STAB2: variants seen among roughly 807,000 people sequenced by gnomAD.
The protein encoded by STAB2 is stabilin 2, also known as stabilin-2.
A neutral mutation model predicts 338.1 loss-of-function variants in STAB2; 288 were observed. The ratio of observed to expected loss-of-function variants is 0.85; its 90% CI spans 0.77 to 0.94. STAB2 has a LOEUF of 0.94. Ranked by LOEUF, STAB2 falls within the 40% of genes least tolerant of loss-of-function variation. The probability of loss-of-function intolerance (pLI) is 0.00; values close to 1 mark genes in which losing one functional copy is unlikely to be tolerated. For synonymous variants in STAB2, 1,202 were observed against 1,193.3 expected, an observed-to-expected ratio of 1.01 and a Z score of -0.15; for missense variants, 3,141 against 3,210.1, an observed-to-expected ratio of 0.98 and a Z score of 0.52.
chr12:103,651,648 T>G (rs1262632088), intron 11 of STAB2, among the ~76,000 whole-genome samples: 1 of 152,132 alleles, frequency 6.6e-6, no homozygotes, highest in African/African-American at 2.4e-5. Context: ...TTGTCATCTG[T>G]CTTAAATGCT....
intron 1 of STAB2, among the ~76,000 whole-genome samples, chr12:103,587,881 C>G (rs1182511101): frequency 6.6e-6 from 1 of 152,178 alleles, no homozygotes; most frequent in Non-Finnish European, 1.5e-5. Flanking sequence ...ATCTACCATC[C>G]CATCTTCCTG....
At chr12:103,674,451 A>G (rs703645) in intron 23 of STAB2, among the ~76,000 whole-genome samples, 21,851 of 152,160 alleles carry the variant, frequency 0.14, 1,705 homozygotes, top group East Asian at 0.22. Flanking sequence ...TAGCACATCA[A>G]AGATGTTCCA....
At chr12:103,628,890 C>T (rs896611024) in intron 5 of STAB2, among the ~76,000 whole-genome samples, 2 of 152,164 alleles carry the variant, frequency 1.3e-5, no homozygotes, top group Non-Finnish European at 2.9e-5. Flanking sequence ...AATTATTGAA[C>T]AAAACATCAA....
chr12:103,679,779 A>G (rs1359813766), intron 25 of STAB2, among the ~76,000 whole-genome samples: 3 of 152,228 alleles, frequency 2.0e-5, no homozygotes, highest in African/African-American at 7.2e-5. Flanking sequence ...ACTTCTGGGT[A>G]TACACCCAAA....
chr12:103,597,949 A>G (rs577113686), intron 3 of STAB2, among the ~76,000 whole-genome samples: 2 of 152,300 alleles, frequency 1.3e-5, no homozygotes, highest in South Asian at 4.1e-4. Flanking sequence ...AATGTCATCA[A>G]ATTATCTAAA....
chr12:103,746,381 C>T, intron 57 of STAB2: 3 of 478,490 alleles, frequency 6.3e-6, no homozygotes, highest in Admixed American at 3.4e-5. Context: ...ATCTCAATGA[C>T]ATTGCAGAGA....
intron 56 of STAB2, among the ~76,000 whole-genome samples, chr12:103,743,023 C>CTT (rs34478982): frequency 0.44 from 58,931 of 134,644 alleles, 13,203 homozygotes; most frequent in South Asian, 0.57. Flanking sequence ...ATTTTTTTTT[C>CTT]TTTTTTTTTT....
At position 103,762,343 on chromosome 12, in the gene STAB2, T is replaced by C. The variant is rs781624821; in HGVS notation, c.7429T>C (p.Leu2477=). 55 of 1,614,092 alleles carry C rather than the reference T, an allele frequency of 3.4e-5. 1 individual carries two copies. In the South Asian group the frequency reaches 5.5e-4, roughly 16 times the overall value. ...CATCCTGGTGACTGGGGCTGTTGCC[T>C]TGGCTGCTTACTCCTACTTTCGGAT... is the stretch of plus-strand genomic sequence containing the variant. The part of the protein sequence containing the change: ...AIILVTGAVA[L]AAYSYFRINR... The change falls in exon 67 of 69, where the codon TTG becomes CTG. Residue 2477 remains leucine (L), a synonymous_variant. Coordinates refer to ENST00000388887, the MANE Select transcript of STAB2 (RefSeq NM_017564.10).
chr12:103,655,373 G>A (rs893570835), intron 14 of STAB2, 66 bp downstream of exon 14: 57 of 1,602,514 alleles, frequency 3.6e-5, no homozygotes, highest in African/African-American at 4.0e-5. Flanking sequence ...TAGCAGGGGT[G>A]TCAATTATAA....
chr12:103,615,893 C>A (rs902940338), intron 3 of STAB2, among the ~76,000 whole-genome samples: 1 of 152,144 alleles, frequency 6.6e-6, no homozygotes, highest in African/African-American at 2.4e-5. Flanking sequence ...CCCCATGATC[C>A]AATTACCTCC....
At chr12:103,617,070 C>G (rs983589673) in intron 3 of STAB2, among the ~76,000 whole-genome samples, 2 of 152,192 alleles carry the variant, frequency 1.3e-5, no homozygotes, top group Non-Finnish European at 2.9e-5. Context: ...GAGATCAGAT[C>G]TAAACCAACT....
At chr12:103,741,145 G>A (rs1320273669) in intron 55 of STAB2, among the ~76,000 whole-genome samples, 4 of 152,024 alleles carry the variant, frequency 2.6e-5, no homozygotes, top group Non-Finnish European at 5.9e-5. Flanking sequence ...AGTATGTATG[G>A]GCCATAATTT....
intron 52 of STAB2, 24 bp from the exon 53 acceptor site, chr12:103,737,598 CTCTTTCTCTTTT>C: frequency 1.4e-5 from 17 of 1,253,042 alleles, no homozygotes; most frequent in South Asian, 1.5e-5. Flanking sequence ...CTCTCTCTCT[CTCTTTCTCTTTT>C]TTTTTTTTTT....
chr12:103,740,780 G>A (rs370326061), intron 55 of STAB2, 24 bp downstream of exon 55: 9 of 1,550,918 alleles, frequency 5.8e-6, no homozygotes, highest in South Asian at 2.5e-5. Flanking sequence ...TTCCCCCCTC[G>A]CAACTCTAAA....
chr12:103,655,568 T>G lies in STAB2; in HGVS notation c.1721T>G (p.Leu574Arg), dbSNP rs1224086395. 1.2e-6 allele frequency: 2 copies of G among 1,613,698 alleles called. No individual in the cohort carries two copies. Among genetic ancestry groups the G allele is most frequent in the Non-Finnish European group, 1.7e-6 (2 of 1,179,972 alleles). ...NNMKDGTLDY[L>R]LSPEGSRKLL... ...ATGAAGGACGGCACTCTCGATTACC[T>G]CCTTTCTCCAGAGGTACCGTATTCT... Residue 574 changes from leucine (L) to arginine (R), a missense_variant, in exon 15 of 69, where the codon CTC becomes CGC. By Grantham distance (102) the Leu-to-Arg change is moderately radical. Transcript: ENST00000388887.
At chr12:103,620,425 GT>G (rs1366985153) in intron 3 of STAB2, 42 bp from the exon 4 acceptor site, 4 of 1,523,122 alleles carry the variant, frequency 2.6e-6, no homozygotes, top group Non-Finnish European at 3.6e-6. Flanking sequence ...GAATGCTTGT[GT>G]GCAGTCACGA....
Position 103,602,833 on chromosome 12 carries a change from CTG to C in STAB2, c.331+8327_331+8328del, listed in dbSNP as rs1180265814. 2.6e-5 allele frequency among the ~76,000 whole-genome samples: 4 copies of C among 152,164 alleles called. No individual in the cohort carries two copies. In the East Asian group the frequency reaches 7.7e-4, roughly 29 times the overall value. On this transcript the variant is annotated intron_variant, in intron 3 of 68. Coordinates refer to ENST00000388887, the MANE Select transcript of STAB2 (RefSeq NM_017564.10). ...TGCTTTGTAAATACTTCTTCCCAGT[CTG>C]TGTCTTGTCTTTCCAGTCTCGTAAC...
At chr12:103,751,044 C>A (rs568653725) in intron 60 of STAB2, among the ~76,000 whole-genome samples, 1 of 152,208 alleles carries the variant, frequency 6.6e-6, no homozygotes, top group Admixed American at 6.5e-5. Context: ...AATAGGACAT[C>A]TTGAAACCCA....
Position 103,703,146 on chromosome 12 carries a change from A to G in STAB2, c.3715-2A>G, listed in dbSNP as rs760508725. ...AGTGACATTTAACCCTGTTGTTCACAGCTCTATGTAAATGAGGCTCCAATA... is the reference window on the plus strand; with the variant it reads ...AGTGACATTTAACCCTGTTGTTCACGGCTCTATGTAAATGAGGCTCCAATA... On this transcript the variant is annotated splice_acceptor_variant, in intron 34 of 68. Transcript: ENST00000388887. LOFTEE classifies it high-confidence loss of function. The G allele has an allele frequency of 3.1e-6, 5 of 1,611,756 alleles. No individual in the cohort carries two copies. The highest frequency in any genetic ancestry group is 4.2e-6 in the Non-Finnish European group (5 of 1,179,556).
Sources: allele counts gnomAD v4.1 joint callset (sites outside exome capture counted in the v4.1 genomes callset), GRCh38; gene constraint gnomAD v4.1.1; transcripts MANE v1.5; gene names NCBI Gene and HGNC (gene_info 2026-07-23, HGNC 2026-07-21).